THEMIS: variants seen among roughly 807,000 people sequenced by gnomAD.
THEMIS encodes thymocyte selection associated.
A neutral mutation model predicts 52.6 loss-of-function variants in THEMIS; 37 were observed. That is an observed-to-expected ratio of 0.70 (90% confidence interval 0.54 to 0.93). THEMIS has a LOEUF of 0.93. Among genes scored for constraint, THEMIS ranks in the 40% least tolerant of loss-of-function variants. The probability of loss-of-function intolerance (pLI) is 0.00; values close to 1 mark genes in which losing one functional copy is unlikely to be tolerated. For missense variants in THEMIS, 808 were observed against 763.1 expected (o/e 1.06, Z -0.69); for synonymous variants, 292 against 272.7 (o/e 1.07, Z -0.70).
chr6:127,827,937 A>T (rs965623782), intron 3 of THEMIS, among the ~76,000 whole-genome samples: 8 of 152,090 alleles, frequency 5.3e-5, no homozygotes, highest in African/African-American at 1.9e-4. Flanking sequence ...GCATGTGTTC[A>T]TATTTGTTTC....
At chr6:127,774,828 A>G (rs1033999229) in intron 4 of THEMIS, among the ~76,000 whole-genome samples, 3 of 152,200 alleles carry the variant, frequency 2.0e-5, no homozygotes, top group Admixed American at 6.5e-5. Context: ...GTATTTAGCA[A>G]CTGGCTTCTA....
intron 2 of THEMIS, among the ~76,000 whole-genome samples, chr6:127,846,366 ATC>A (rs1230832421): frequency 2.0e-5 from 3 of 151,996 alleles, no homozygotes; most frequent in Non-Finnish European, 4.4e-5. Flanking sequence ...AGGGCAAGCA[ATC>A]AATAGAAGCT....
intron 4 of THEMIS, among the ~76,000 whole-genome samples, chr6:127,767,411 T>G (rs1015044718): frequency 6.6e-6 from 1 of 152,164 alleles, no homozygotes; most frequent in Non-Finnish European, 1.5e-5. Flanking sequence ...CTTTATATCC[T>G]TGTTCTATAA....
At chr6:127,866,842 G>C (rs1779994769) in intron 1 of THEMIS, among the ~76,000 whole-genome samples, 1 of 151,764 alleles carries the variant, frequency 6.6e-6, no homozygotes, top group Admixed American at 6.6e-5. Flanking sequence ...GGTAGCTGGA[G>C]ACAGAAGGGA....
intron 4 of THEMIS, among the ~76,000 whole-genome samples, chr6:127,748,224 G>A (rs1775515576): frequency 6.6e-6 from 1 of 151,960 alleles, no homozygotes; most frequent in Non-Finnish European, 1.5e-5. Context: ...ACCTGAGACT[G>A]GATAATTTAG....
intron 4 of THEMIS, among the ~76,000 whole-genome samples, chr6:127,784,983 CTATCT>C (rs1776880534): frequency 1.7e-5 from 2 of 116,222 alleles, no homozygotes; most frequent in Non-Finnish European, 3.9e-5. Context: ...ATCTATCTAT[CTATCT>C]ATCTATCTAT....
intron 4 of THEMIS, among the ~76,000 whole-genome samples, chr6:127,765,878 T>C (rs921193919): frequency 6.6e-6 from 1 of 152,166 alleles, no homozygotes; most frequent in African/African-American, 2.4e-5. Flanking sequence ...GATGCATTTC[T>C]CAGAACATAT....
At position 127,900,695 on chromosome 6, in the gene THEMIS, C is replaced by T. The variant is rs368661865; in HGVS notation, c.91+147G>A. On this transcript the variant is annotated intron_variant, in intron 1 of 5. Transcript: ENST00000368248. ...CCAACACCATTGGCTTTTGACGATT[C>T]GTTGGTCAGTTCATTACTTTCTTTT... is the stretch of plus-strand genomic sequence containing the variant. The T allele has an allele frequency of 8.3e-4, 558 of 672,358 alleles. 1 individual carries two copies. The highest frequency in any genetic ancestry group is 1.3e-3 in the African/African-American group (69 of 54,988). 41.6% of individuals were successfully genotyped at this position (672,358 alleles called of 1,614,324 possible).
intron 4 of THEMIS, among the ~76,000 whole-genome samples, chr6:127,746,929 CTATAATTATATTATATATAATTA>C (rs1775436505): frequency 3.0e-5 from 1 of 33,072 alleles, no homozygotes; most frequent in Non-Finnish European, 4.7e-5. Flanking sequence ...ATATAGATAT[CTATAATTATATTATATATAATTA>C]TATATAGATA....
intron 1 of THEMIS, among the ~76,000 whole-genome samples, chr6:127,878,429 A>C (rs536004127): frequency 6.6e-6 from 1 of 150,860 alleles, no homozygotes; most frequent in African/African-American, 2.4e-5. Flanking sequence ...GTGGCCATAT[A>C]GCTGTTATTA....
chr6:127,732,312 A>AT (rs1441518775), intron 4 of THEMIS, among the ~76,000 whole-genome samples: 1 of 151,756 alleles, frequency 6.6e-6, no homozygotes, highest in Non-Finnish European at 1.5e-5. Flanking sequence ...ATTCATCTGT[A>AT]TTTTTTTCCT....
chr6:127,868,974 T>C (rs1052642948), intron 1 of THEMIS, among the ~76,000 whole-genome samples: 1 of 152,172 alleles, frequency 6.6e-6, no homozygotes, highest in Non-Finnish European at 1.5e-5. Flanking sequence ...TTTATGAAAT[T>C]TTAATGTGTT....
At chr6:127,723,959 T>C (rs186002011) in intron 4 of THEMIS, among the ~76,000 whole-genome samples, 38 of 152,202 alleles carry the variant, frequency 2.5e-4, no homozygotes, top group South Asian at 4.1e-4. Context: ...CTCAGGGTTT[T>C]AAATATAATA....
intron 4 of THEMIS, among the ~76,000 whole-genome samples, chr6:127,726,759 T>C (rs962349422): frequency 3.9e-5 from 6 of 152,062 alleles, no homozygotes; most frequent in African/African-American, 1.4e-4. Context: ...TTGAAATGAG[T>C]TGAAGAATTT....
At chr6:127,733,423 C>T (rs946647116) in intron 4 of THEMIS, among the ~76,000 whole-genome samples, 9 of 152,248 alleles carry the variant, frequency 5.9e-5, no homozygotes, top group African/African-American at 2.2e-4. Flanking sequence ...ATACAATGTT[C>T]AAAGAACTTA....
Position 127,813,172 on chromosome 6 carries a change from A to G in THEMIS, c.1469T>C (p.Leu490Pro), listed in dbSNP as rs990227309. ...QLEEDITDSY[L>P]LISDFANPTE... ...GGGGTTGGCAAAGTCACTTATGAGT[A>G]GGTAAGAGTCTGTAATGTCCTCCTC... The change falls in exon 4 of 6, where the codon CTA (leucine) becomes CCA (proline). Residue 490 changes from leucine (L) to proline (P), a missense_variant. Physicochemically the swap from Leu to Pro is moderately conservative, Grantham distance 98 (BLOSUM62 -3). Transcript: ENST00000368248. The G allele has an allele frequency of 1.9e-6, 3 of 1,614,146 alleles. No homozygotes were observed. Among genetic ancestry groups the G allele is most frequent in the Non-Finnish European group, 2.5e-6 (3 of 1,180,018 alleles).
At chr6:127,872,660 C>CA (rs1389080514) in intron 1 of THEMIS, among the ~76,000 whole-genome samples, 1 of 152,054 alleles carries the variant, frequency 6.6e-6, no homozygotes, top group Non-Finnish European at 1.5e-5. Context: ...AAAACAAAAA[C>CA]AAAAACTTTA....
chr6:127,854,754 A>G (rs1370625449), intron 2 of THEMIS, among the ~76,000 whole-genome samples: 2 of 151,830 alleles, frequency 1.3e-5, no homozygotes, highest in East Asian at 3.9e-4. Context: ...TATTTAGCAC[A>G]ACTAGTGGTG....
intron 4 of THEMIS, among the ~76,000 whole-genome samples, chr6:127,777,862 T>C (rs999246154): frequency 6.6e-6 from 1 of 152,172 alleles, no homozygotes; most frequent in East Asian, 1.9e-4. Context: ...GGAAAGGCCA[T>C]AGACATCCAG....
Sources: gnomAD v4.1 joint callset for allele counts (sites outside exome capture counted in the v4.1 genomes callset) on GRCh38, gnomAD v4.1.1 for gene constraint, MANE v1.5 for transcripts, NCBI Gene and HGNC (gene_info 2026-07-23, HGNC 2026-07-21) for gene names.